The following ZNF395 variants were observed in gnomAD, a reference collection of about 807,000 sequenced individuals.
ZNF395 encodes zinc finger protein 395, also known as HD gene regulatory region-binding protein 2.
Under a neutral mutation model 57.7 loss-of-function variants are expected in ZNF395, and 20 were observed. That is an observed-to-expected ratio of 0.35 (90% CI 0.24 to 0.50). The LOEUF (loss-of-function observed/expected upper bound fraction) is 0.50. Ranked by LOEUF, ZNF395 falls within the 20% of genes least tolerant of loss-of-function variation. The probability of loss-of-function intolerance (pLI) is 0.97; values close to 1 mark genes in which losing one functional copy is unlikely to be tolerated. For missense variants in ZNF395, 606 were observed against 671.2 expected (o/e 0.90, Z 1.07); for synonymous variants, 295 against 275.9 (o/e 1.07, Z -0.69).
intron 6 of ZNF395, 45 bp from the exon 7 acceptor site, chr8:28,351,852 C>G: frequency 6.6e-7 from 1 of 1,504,352 alleles, no homozygotes; most frequent in Non-Finnish European, 8.9e-7. Context: ...ACCCTGCCCC[C>G]TTCAAACCCA....
intron 1 of ZNF395, among the ~76,000 whole-genome samples, chr8:28,375,750 C>A (rs1346038670): frequency 1.3e-5 from 2 of 152,096 alleles, no homozygotes; most frequent in Non-Finnish European, 2.9e-5. Flanking sequence ...CGACAGTCAC[C>A]ATAAAAATAG....
intron 4 of ZNF395, among the ~76,000 whole-genome samples, chr8:28,354,749 C>G (rs1375306764): frequency 2.0e-5 from 3 of 152,030 alleles, no homozygotes; most frequent in Admixed American, 2.0e-4. Context: ...AAGGGTACAC[C>G]TTCAGGGCAG....
chr8:28,375,196 G>C (rs762958177), intron 1 of ZNF395: 3 of 152,240 alleles, frequency 2.0e-5, no homozygotes, highest in South Asian at 2.1e-4. Context: ...AGATCAGACT[G>C]AGCAACACAG....
chr8:28,377,378 T>C (rs1802054104), intron 1 of ZNF395, among the ~76,000 whole-genome samples: 1 of 152,212 alleles, frequency 6.6e-6, no homozygotes, highest in South Asian at 2.1e-4. Context: ...CATTCCAGCC[T>C]GGCAACAGAG....
At chr8:28,377,804 C>G (rs1046208727) in intron 1 of ZNF395, among the ~76,000 whole-genome samples, 3 of 139,966 alleles carry the variant, frequency 2.1e-5, no homozygotes, top group Non-Finnish European at 3.0e-5. Context: ...GTCGCCCAGG[C>G]TGGAGTGCAG....
rs1181398121 is a variant in ZNF395 at position 28,356,097 on chromosome 8, T to C, written c.583+573A>G. On this transcript the variant is annotated intron_variant, in intron 4 of 9. Coordinates refer to ENST00000344423, the MANE Select transcript of ZNF395 (RefSeq NM_018660.3). This position sits in a 1 kb window ranked among gnomAD's most constrained non-coding sequence, Gnocchi z 4.0. The stretch of plus-strand genomic sequence containing the variant: ...AGCAACCCTTTTTTCCCTCATATTA[T>C]TGATAAAGTATTTTGGGGTTGCAAC... Among the ~76,000 whole-genome samples the C allele has an allele frequency of 6.6e-6, 1 of 152,242 alleles. No individual in the cohort carries two copies. The highest frequency in any genetic ancestry group is 1.5e-5 in the Non-Finnish European group (1 of 68,046).
chr8:28,350,281 GA>G, intron 7 of ZNF395, 125 bp from the exon 8 acceptor site: 1 of 776,914 alleles, frequency 1.3e-6, no homozygotes, highest in South Asian at 1.7e-5. Context: ...TGACCAGAAA[GA>G]GCTGGGACAC....
chr8:28,384,273 A>G (rs1480998099), intron 1 of ZNF395, among the ~76,000 whole-genome samples: 1 of 152,104 alleles, frequency 6.6e-6, no homozygotes, highest in Admixed American at 6.5e-5. Flanking sequence ...AATCTCAACC[A>G]TTGTTCCTCT....
chr8:28,372,995 C>T (rs1253092820), intron 1 of ZNF395, among the ~76,000 whole-genome samples: 1 of 152,072 alleles, frequency 6.6e-6, no homozygotes, highest in Non-Finnish European at 1.5e-5. Context: ...AAAAGGGAGG[C>T]CCCACTAACA....
rs774126549 is a variant in ZNF395, at chr8:28,350,080, G to A, written c.1310C>T (p.Ala437Val). ...CACACTCACCGGAGAGAGAGAGCAG[G>A]CGGCGGAGGGGGCAGCAGCCCAGCT... is the stretch of plus-strand genomic sequence containing the variant. ...SVSWAAAPSA[A>V]CSLSPVRSRS... The change falls in exon 8 of 10, where the codon GCC (alanine) becomes GTC (valine). Residue 437 changes from alanine (A) to valine (V), a missense_variant. By Grantham distance (64) the Ala-to-Val change is moderately conservative. Around this residue, in one of 3 missense-constraint regions of ZNF395, gnomAD observed 261 missense variants for 240.3 expected, o/e 1.09. Coordinates refer to ENST00000344423, the MANE Select transcript of ZNF395 (RefSeq NM_018660.3). The A allele has an allele frequency of 4.4e-6, 7 of 1,604,270 alleles. No homozygotes were observed. Among genetic ancestry groups the A allele is most frequent in the Middle Eastern group, 1.7e-4 (1 of 6,056 alleles).
intron 1 of ZNF395, among the ~76,000 whole-genome samples, chr8:28,367,229 T>C (rs1801922189): frequency 6.6e-6 from 1 of 152,212 alleles, no homozygotes; most frequent in African/African-American, 2.4e-5. Flanking sequence ...TCAAGACTGA[T>C]AGGGACCAGA....
chr8:28,361,556 T>C (rs190877200), intron 1 of ZNF395, among the ~76,000 whole-genome samples: 1 of 152,346 alleles, frequency 6.6e-6, no homozygotes. Flanking sequence ...GGATGCACCA[T>C]TCCTATTCTA....
At chr8:28,384,903 C>T (rs1242268836) in intron 1 of ZNF395, among the ~76,000 whole-genome samples, 1 of 152,244 alleles carries the variant, frequency 6.6e-6, no homozygotes, top group Non-Finnish European at 1.5e-5. Flanking sequence ...GCCTCTCCCA[C>T]CTCCCAGAGG....
chr8:28,385,448 G>T lies in ZNF395; in HGVS notation c.-59+945C>A, dbSNP rs535467785. On this transcript the variant is annotated intron_variant, in intron 1 of 9. Coordinates refer to ENST00000344423, the MANE Select transcript of ZNF395 (RefSeq NM_018660.3). ...GTGAGCCCACGGTGCCACCGCCGGG[G>T]AGGGCCAGGGGCGCGGGCGGAGGCG... 2.6e-5 allele frequency: 4 copies of T among 151,258 alleles called. No individual in the cohort carries two copies. The East Asian group carries it at 7.7e-4, about 29-fold the overall frequency. The allele number at this position is 151,258 out of a possible 1,614,324, so 9.4% of individuals were successfully genotyped here. A position where few individuals can be genotyped will look rare whatever the true frequency, so the allele number is the denominator to read the frequency against.
chr8:28,369,233 G>A (rs1292134865), intron 1 of ZNF395, among the ~76,000 whole-genome samples: 2 of 150,986 alleles, frequency 1.3e-5, no homozygotes, highest in African/African-American at 4.9e-5. Context: ...CCCTGACAAT[G>A]CCAAACAAAG....
At chr8:28,357,806 CAT>C (rs1369672380) in intron 3 of ZNF395, among the ~76,000 whole-genome samples, 3 of 152,214 alleles carry the variant, frequency 2.0e-5, no homozygotes, top group Non-Finnish European at 2.9e-5. Context: ...TTTTCGCACT[CAT>C]AGACAAACAC....
chr8:28,379,933 A>G (rs1413844478), intron 1 of ZNF395, among the ~76,000 whole-genome samples: 1 of 151,550 alleles, frequency 6.6e-6, no homozygotes, highest in Admixed American at 6.6e-5. Context: ...TTTCCTTCCA[A>G]TTATTTTCTA....
intron 1 of ZNF395, among the ~76,000 whole-genome samples, chr8:28,364,536 C>T (rs1324270507): frequency 2.0e-5 from 3 of 151,810 alleles, no homozygotes; most frequent in Non-Finnish European, 2.9e-5. Flanking sequence ...CACTTGTAAG[C>T]GCAGCTACTT....
rs554161166 is a variant in ZNF395 at position 28,356,892 on chromosome 8, G to T, written c.474-113C>A. 2.4e-5 allele frequency: 19 copies of T among 801,418 alleles called. No homozygotes were observed. Among genetic ancestry groups the T allele is most frequent in the Non-Finnish European group, 2.8e-5 (14 of 499,318 alleles). 49.6% of individuals were successfully genotyped at this position (801,418 alleles called of 1,614,324 possible). ...TTTCACACAATCATCTTACACTTCTGGACTGTCCCCTCCAAGTGCCCCCAA... is the reference window on the plus strand; with the variant it reads ...TTTCACACAATCATCTTACACTTCTTGACTGTCCCCTCCAAGTGCCCCCAA... On this transcript the variant is annotated intron_variant, in intron 3 of 9. Coordinates refer to ENST00000344423, the MANE Select transcript of ZNF395 (RefSeq NM_018660.3). This position sits in a 1 kb window ranked among gnomAD's most constrained non-coding sequence, Gnocchi z 4.0.
Sources: allele counts gnomAD v4.1 joint callset (sites outside exome capture counted in the v4.1 genomes callset), GRCh38; gene constraint gnomAD v4.1.1; regional missense constraint gnomAD v4.1.1; non-coding constraint Gnocchi (gnomAD v3.1); transcripts MANE v1.5; gene names NCBI Gene and HGNC (gene_info 2026-07-23, HGNC 2026-07-21).